The following CD36 variants were observed in gnomAD, a reference collection of about 807,000 sequenced individuals.
CD36 encodes the protein CD36 molecule (CD36 blood group), also known as platelet glycoprotein 4.
Under a neutral mutation model 55.2 loss-of-function variants are expected in CD36, and 119 were observed. The ratio of observed to expected loss-of-function variants is 2.15; its 90% CI spans 1.86 to 2.51. The LOEUF is 2.51. Ranked by LOEUF, CD36 falls within the 30% of genes most tolerant of loss-of-function variation. The pLI is 0.00. For synonymous variants in CD36, 186 were observed against 193.6 expected, an observed-to-expected ratio of 0.96 and a Z score of 0.33; for missense variants, 819 against 555.5, an observed-to-expected ratio of 1.47 and a Z score of -4.77.
Position 80,669,968 on chromosome 7 carries a change from C to G in CD36, c.764C>G (p.Pro255Arg). The G allele has an allele frequency of 6.2e-7, 1 of 1,612,184 alleles. No individual in the cohort carries two copies. The highest frequency in any genetic ancestry group is 1.7e-5 in the Admixed American group (1 of 60,012). Residue 255 changes from proline (P) to arginine (R), a missense_variant, in exon 9 of 15, where the codon CCA (proline) becomes CGA (arginine). By Grantham distance (103) the Pro-to-Arg change is moderately radical. Coordinates refer to ENST00000447544, the MANE Select transcript of CD36 (RefSeq NM_001001548.3). ...MINGTDAASF[P>R]PFVEKSQVLQ... ...TTTTAAACAGATGCAGCCTCATTTC[C>G]ACCTTTTGTTGAGAAAAGCCAGGTA...
intron 1 of CD36, among the ~76,000 whole-genome samples, chr7:80,622,268 A>G (rs1793512709): frequency 6.6e-6 from 1 of 152,250 alleles, no homozygotes; most frequent in African/African-American, 2.4e-5. Flanking sequence ...GAGCTTGGGA[A>G]ACGCTGAATG....
intron 7 of CD36, among the ~76,000 whole-genome samples, 173 bp downstream of exon 7, chr7:80,664,670 G>A (rs1202472854): frequency 6.6e-6 from 1 of 152,036 alleles, no homozygotes; most frequent in Non-Finnish European, 1.5e-5. Flanking sequence ...TGTGGTAACT[G>A]GTGAGTTCAC....
chr7:80,606,529 A>G (rs370453236), intron 1 of CD36, among the ~76,000 whole-genome samples: 3 of 152,198 alleles, frequency 2.0e-5, no homozygotes, highest in East Asian at 3.8e-4. Flanking sequence ...AATGCCTCTC[A>G]ATGATGTCCT....
At chr7:80,657,219 A>G (rs1457534283) in intron 4 of CD36, among the ~76,000 whole-genome samples, 1 of 152,172 alleles carries the variant, frequency 6.6e-6, no homozygotes, top group Non-Finnish European at 1.5e-5. Flanking sequence ...TCCCAGACCA[A>G]ATGAATGAAA....
chr7:80,645,635 AAATAAT>A (rs1021176591), intron 1 of CD36, among the ~76,000 whole-genome samples: 3 of 152,044 alleles, frequency 2.0e-5, no homozygotes, highest in Admixed American at 6.5e-5. Context: ...CCGTCTCAAA[AAATAAT>A]AATAATCACA....
intron 1 of CD36, among the ~76,000 whole-genome samples, chr7:80,625,315 T>A (rs1793683424): frequency 6.6e-6 from 1 of 152,120 alleles, no homozygotes; most frequent in Non-Finnish European, 1.5e-5. Context: ...TTGGTTACAT[T>A]TTATTTGGAC....
At chr7:80,669,218 T>C (rs1204873183) in intron 8 of CD36, among the ~76,000 whole-genome samples, 3 of 152,274 alleles carry the variant, frequency 2.0e-5, no homozygotes, top group Non-Finnish European at 4.4e-5. Context: ...TTTCTTTTAT[T>C]TTGTACCATT....
chr7:80,608,818 C>A (rs1792711059), intron 1 of CD36, among the ~76,000 whole-genome samples: 1 of 152,126 alleles, frequency 6.6e-6, no homozygotes, highest in African/African-American at 2.4e-5. Context: ...TTCCTCTCTA[C>A]CTAACTAATT....
At chr7:80,666,823 A>AAATAGTATACAG (rs1797136706) in intron 8 of CD36, among the ~76,000 whole-genome samples, 1 of 152,242 alleles carries the variant, frequency 6.6e-6, no homozygotes, top group African/African-American at 2.4e-5. Context: ...AATATTTTAT[A>AAATAGTATACAG]AATAGTATAC....
intron 1 of CD36, among the ~76,000 whole-genome samples, chr7:80,623,632 T>A (rs1475022993): frequency 6.6e-6 from 1 of 152,232 alleles, no homozygotes; most frequent in African/African-American, 2.4e-5. Context: ...AAGCCTGAAC[T>A]TGTTAGTCTT....
In CD36 at chr7:80,671,962, A is replaced by G. The variant is rs757801311; in HGVS notation, c.1047A>G (p.Ala349=). Residue 349 remains alanine (A), a synonymous_variant, in exon 11 of 15, where the codon GCA becomes GCG. Transcript: ENST00000447544. ...VYISLPHFLY[A]SPDVSEPIDG... ...TTTCACTTCCTCATTTTCTGTATGC[A>G]AGTCCTGATGTTTCAGAACCTATTG... 1.9e-6 allele frequency: 3 copies of G among 1,610,984 alleles called. No homozygotes were observed. Among genetic ancestry groups the G allele is most frequent in the Admixed American group, 3.3e-5 (2 of 59,936 alleles).
intron 1 of CD36, among the ~76,000 whole-genome samples, chr7:80,631,667 A>G (rs1794079096): frequency 1.3e-5 from 2 of 151,802 alleles, no homozygotes; most frequent in South Asian, 4.1e-4. Context: ...TATTTGTCTT[A>G]TGTATTATAG....
At chr7:80,645,856 A>G (rs904938638) in intron 1 of CD36, among the ~76,000 whole-genome samples, 1 of 152,148 alleles carries the variant, frequency 6.6e-6, no homozygotes, top group Non-Finnish European at 1.5e-5. Flanking sequence ...AATTCTTTAT[A>G]CCTGTAGTCT....
chr7:80,669,787 A>G (rs1797471163), intron 8 of CD36, among the ~76,000 whole-genome samples, 166 bp from the exon 9 acceptor site: 1 of 152,166 alleles, frequency 6.6e-6, no homozygotes, highest in African/African-American at 2.4e-5. Context: ...ATGAGCCAGC[A>G]TGCCTGGCCG....
At chr7:80,615,039 C>G (rs1164895752) in intron 1 of CD36, among the ~76,000 whole-genome samples, 1 of 152,050 alleles carries the variant, frequency 6.6e-6, no homozygotes, top group Non-Finnish European at 1.5e-5. Flanking sequence ...TTAGGGCTTG[C>G]TTTCCAGTTT....
chr7:80,674,083 G>A lies in CD36; in HGVS notation c.1355G>A (p.Gly452Asp), dbSNP rs559916528. 6.2e-7 allele frequency: 1 copy of A among 1,612,244 alleles called. No homozygotes were observed. The highest frequency in any genetic ancestry group is 1.1e-5 in the South Asian group (1 of 90,978). The change falls in exon 14 of 15, where the codon GGT (glycine) becomes GAT (aspartate). Residue 452 changes from glycine to aspartate, a missense_variant. Coordinates refer to ENST00000447544, the MANE Select transcript of CD36 (RefSeq NM_001001548.3). ...ATAGAAATGATCTTACTCAGTGTTG[G>A]TGTGGTGATGTTTGTTGCTTTTATG... ...GLIEMILLSV[G>D]VVMFVAFMIS...
intron 1 of CD36, among the ~76,000 whole-genome samples, chr7:80,615,271 T>C (rs1793083184): frequency 6.6e-6 from 1 of 152,194 alleles, no homozygotes; most frequent in Non-Finnish European, 1.5e-5. Context: ...ACTCGTATCC[T>C]GTCACTCCTC....
At chr7:80,630,059 T>C (rs1348911334) in intron 1 of CD36, among the ~76,000 whole-genome samples, 1 of 152,080 alleles carries the variant, frequency 6.6e-6, no homozygotes, top group East Asian at 1.9e-4. Context: ...ACAAGTTTCA[T>C]CTTCATTTTT....
intron 1 of CD36, among the ~76,000 whole-genome samples, chr7:80,628,138 T>C (rs1335153068): frequency 6.6e-6 from 1 of 152,034 alleles, no homozygotes; most frequent in Non-Finnish European, 1.5e-5. Context: ...TACAAAAGTA[T>C]TTAACATATA....
Sources: gnomAD v4.1 joint callset for allele counts (sites outside exome capture counted in the v4.1 genomes callset) on GRCh38, gnomAD v4.1.1 for gene constraint, MANE v1.5 for transcripts, NCBI Gene and HGNC (gene_info 2026-07-23, HGNC 2026-07-21) for gene names.